The following MANF variants were observed in gnomAD, a reference collection of about 807,000 sequenced individuals.
MANF encodes the protein mesencephalic astrocyte-derived neurotrophic factor.
MANF carries 9 observed loss-of-function variants against 19.1 expected under a neutral mutation model. That is an observed-to-expected ratio of 0.47 (90% confidence interval 0.28 to 0.82). The LOEUF (loss-of-function observed/expected upper bound fraction) is 0.82, where lower values mean the gene tolerates loss of function less well. Among genes scored for constraint, MANF ranks in the 40% least tolerant of loss-of-function variants. The probability of loss-of-function intolerance (pLI) is 0.10; values close to 1 mark genes in which losing one functional copy is unlikely to be tolerated. For synonymous variants in MANF, 89 were observed against 88.0 expected (o/e 1.01, Z -0.06); for missense variants, 225 against 226.7 (o/e 0.99, Z 0.05).
In MANF at chr3:51,386,341, T is replaced by A. The variant is rs2088962030; in HGVS notation, c.222+6T>A. 1.2e-6 allele frequency: 2 copies of A among 1,613,810 alleles called. No homozygotes were observed. Among genetic ancestry groups the A allele is most frequent in the Non-Finnish European group, 1.7e-6 (2 of 1,179,842 alleles). On this transcript the variant is annotated splice_donor_region_variant and intron_variant, in intron 2 of 3. Coordinates refer to ENST00000528157, the MANE Select transcript of MANF (RefSeq NM_006010.6). ...GAGGCAAAGAGAATCGGTTGGTAAG[T>A]AGCTGGTGATCCTCCCCAACTGGCC...
rs927461160 is a variant in MANF at position 51,385,294 on chromosome 3, C to T, written c.-49C>T. On this transcript the variant is annotated 5_prime_UTR_variant, in exon 1 of 4. Coordinates refer to ENST00000528157, the MANE Select transcript of MANF (RefSeq NM_006010.6). ...TGCGGCGCGGCGGGTGCGGTTCAGTCGGTCGGCGGCGGCAGCGGAGGAGGA... is the reference window on the plus strand; with the variant it reads ...TGCGGCGCGGCGGGTGCGGTTCAGTTGGTCGGCGGCGGCAGCGGAGGAGGA... 20 of 1,167,900 alleles carry T rather than the reference C, an allele frequency of 1.7e-5. No individual in the cohort carries two copies. The highest frequency in any genetic ancestry group is 2.6e-4 in the Middle Eastern group (1 of 3,916). 72.3% of individuals were successfully genotyped at this position (1,167,900 alleles called of 1,614,324 possible).
At chr3:51,385,925 T>A (rs2088951965) in intron 1 of MANF, 2 of 394,368 alleles carry the variant, frequency 5.1e-6, no homozygotes, top group Non-Finnish European at 9.2e-6. Context: ...CAAGGACACG[T>A]GTTCACCATG....
At chr3:51,388,874 A>C in intron 3 of MANF, 31 bp from the exon 4 acceptor site, 1 of 1,514,052 alleles carries the variant, frequency 6.6e-7, no homozygotes, top group Non-Finnish European at 8.9e-7. Flanking sequence ...TGCTCCACCC[A>C]GTCAGTGACT....
At position 51,385,440 on chromosome 3, in the gene MANF, C is replaced by T; in HGVS notation, c.94+4C>T. On this transcript the variant is annotated splice_donor_region_variant and intron_variant, in intron 1 of 3. Transcript: ENST00000528157. ...CTGCGGCCGGGCGACTGCGAAGGTG[C>T]GGGATAGGGGGCCGGGGGCCGCGCT... is the stretch of plus-strand genomic sequence containing the variant. 1 of 1,152,678 alleles carries T rather than the reference C, an allele frequency of 8.7e-7. No homozygotes were observed. Among genetic ancestry groups the T allele is most frequent in the South Asian group, 4.3e-5 (1 of 23,350 alleles). 71.4% of individuals were successfully genotyped at this position (1,152,678 alleles called of 1,614,324 possible).
Position 51,385,308 on chromosome 3 carries a change from AGCG to A in MANF, c.-33_-31del. The A allele has an allele frequency of 8.5e-7, 1 of 1,176,340 alleles. No homozygotes were observed. Among genetic ancestry groups the A allele is most frequent in the Non-Finnish European group, 1.1e-6 (1 of 938,134 alleles). 72.9% of individuals were successfully genotyped at this position (1,176,340 alleles called of 1,614,324 possible). A position where few individuals can be genotyped will look rare whatever the true frequency, so the allele number is the denominator to read the frequency against. ...TGCGGTTCAGTCGGTCGGCGGCGGC[AGCG>A]GAGGAGGAGGAGGAGGAGGAGGATG... On this transcript the variant is annotated 5_prime_UTR_variant, in exon 1 of 4. Transcript: ENST00000528157.
intron 1 of MANF, 156 bp from the exon 2 acceptor site, chr3:51,386,052 T>A (rs1553620843): frequency 1.3e-6 from 1 of 752,846 alleles, no homozygotes; most frequent in African/African-American, 1.8e-5. Context: ...CCGGGTTCTG[T>A]CTACCTGTAG....
intron 1 of MANF, chr3:51,385,719 C>T (rs1266072038): frequency 6.0e-6 from 2 of 330,844 alleles, no homozygotes. Context: ...GTCCCCACCA[C>T]CATCTAGAGG....
chr3:51,386,829 CA>C (rs2088966632), intron 2 of MANF: 6 of 456,578 alleles, frequency 1.3e-5, no homozygotes, highest in South Asian at 9.3e-5. Flanking sequence ...GGGCCGAATC[CA>C]AGACAAAAGC....
intron 3 of MANF, 60 bp from the exon 4 acceptor site, chr3:51,388,845 A>T: frequency 7.8e-7 from 1 of 1,288,774 alleles, no homozygotes; most frequent in East Asian, 2.6e-5. Context: ...ATACTCTGGG[A>T]CTACTGGGGG....
In MANF at chr3:51,387,727, A is replaced by C. The variant is rs371237072; in HGVS notation, c.223-10A>C. The C allele has an allele frequency of 7.3e-5, 118 of 1,609,796 alleles. 1 individual carries two copies. In the African/African-American group the frequency reaches 1.4e-3, roughly 19 times the overall value. The stretch of plus-strand genomic sequence containing the variant: ...CACCTCCTGAAGGCCATTGTCCTTT[A>C]TTGCTCCAGTGCTACTATATCGGGG... On this transcript the variant is annotated splice_polypyrimidine_tract_variant and intron_variant, in intron 2 of 3. Transcript: ENST00000528157.
chr3:51,386,365 C>A (rs1448473757), intron 2 of MANF, 30 bp downstream of exon 2: 4 of 1,612,306 alleles, frequency 2.5e-6, no homozygotes, highest in Non-Finnish European at 3.4e-6. Flanking sequence ...CCCCAACTGG[C>A]CCTGGCTCAT....
At chr3:51,388,813 G>C in intron 3 of MANF, 92 bp from the exon 4 acceptor site, 1 of 931,868 alleles carries the variant, frequency 1.1e-6, no homozygotes. Context: ...AGTAGGGCTG[G>C]TTTGGCCGTT....
In MANF at chr3:51,389,245, C is replaced by T. The variant is rs757763415; in HGVS notation, c.*156C>T. ...TCCTGATGATGCTGGCCCTACAGTA[C>T]CCCCATGAGGGGATTCCCTTCCTTC... On this transcript the variant is annotated 3_prime_UTR_variant, in exon 4 of 4. Coordinates refer to ENST00000528157, the MANE Select transcript of MANF (RefSeq NM_006010.6). 41 of 624,334 alleles carry T rather than the reference C, an allele frequency of 6.6e-5. No homozygotes were observed. Among genetic ancestry groups the T allele is most frequent in the Non-Finnish European group, 9.8e-5 (36 of 368,200 alleles). 38.7% of individuals were successfully genotyped at this position (624,334 alleles called of 1,614,324 possible). A position where few individuals can be genotyped will look rare whatever the true frequency, so the allele number is the denominator to read the frequency against.
Position 51,387,722 on chromosome 3 carries a change from C to T in MANF, c.223-15C>T. ...TCAAGCACCTCCTGAAGGCCATTGT[C>T]CTTTATTGCTCCAGTGCTACTATAT... is the stretch of plus-strand genomic sequence containing the variant. On this transcript the variant is annotated splice_polypyrimidine_tract_variant and intron_variant, in intron 2 of 3. Transcript: ENST00000528157. 1 of 1,608,706 alleles carries T rather than the reference C, an allele frequency of 6.2e-7. No individual in the cohort carries two copies. Among genetic ancestry groups the T allele is most frequent in the Middle Eastern group, 1.7e-4 (1 of 6,052 alleles).
Position 51,389,131 on chromosome 3 carries a change from C to CCT in MANF, c.*42_*43insCT. ...TGCACCTGAGGGGGAAAAAACAGTT[C>CCT]AACTGCTTACTCCCAAAACAGCCTT... is the stretch of plus-strand genomic sequence containing the variant. On this transcript the variant is annotated 3_prime_UTR_variant, in exon 4 of 4. Transcript: ENST00000528157. The CCT allele has an allele frequency of 6.4e-7, 1 of 1,553,792 alleles. No homozygotes were observed.
chr3:51,385,464 C>G (rs1216789802), intron 1 of MANF, 28 bp downstream of exon 1: 2 of 1,207,670 alleles, frequency 1.7e-6, no homozygotes, highest in East Asian at 3.2e-5. Context: ...GGGGGCCGCG[C>G]TCCGTGACCG....
At chr3:51,386,096 C>T in intron 1 of MANF, 112 bp from the exon 2 acceptor site, 1 of 1,193,650 alleles carries the variant, frequency 8.4e-7, no homozygotes, top group Non-Finnish European at 1.2e-6. Context: ...GAAAAGCTCA[C>T]CTCTAATGAT....
At chr3:51,386,756 C>T (rs1280176188) in intron 2 of MANF, among the ~76,000 whole-genome samples, 2 of 152,134 alleles carry the variant, frequency 1.3e-5, no homozygotes, top group African/African-American at 4.8e-5. Context: ...TGCCCAGAGG[C>T]CTGAAAGAGT....
intron 2 of MANF, chr3:51,387,175 C>G (rs1281320770): frequency 3.1e-6 from 1 of 323,108 alleles, no homozygotes; most frequent in African/African-American, 2.2e-5. Context: ...AATTTTTAGG[C>G]TAGGCGTGGT....
Sources: allele counts gnomAD v4.1 joint callset (sites outside exome capture counted in the v4.1 genomes callset), GRCh38; gene constraint gnomAD v4.1.1; transcripts MANE v1.5; gene names NCBI Gene and HGNC (gene_info 2026-07-23, HGNC 2026-07-21).